MGAT3: variants seen among roughly 807,000 people sequenced by gnomAD.
The protein encoded by MGAT3 is GlcNAc-T III.
A neutral mutation model predicts 29.8 loss-of-function variants in MGAT3; 9 were observed. The ratio of observed to expected loss-of-function variants is 0.30; its 90% CI spans 0.18 to 0.53. The LOEUF (loss-of-function observed/expected upper bound fraction) is 0.53, where lower values mean the gene tolerates loss of function less well. Ranked by LOEUF, MGAT3 falls within the 20% of genes least tolerant of loss-of-function variation. MGAT3 has a pLI of 0.96. For synonymous variants in MGAT3, 397 were observed against 348.9 expected, an observed-to-expected ratio of 1.14 and a Z score of -1.54; for missense variants, 557 against 769.5, an observed-to-expected ratio of 0.72 and a Z score of 3.27.
chr22:39,486,359 G>A (rs1929273317), intron 1 of MGAT3: 1 of 258,462 alleles, frequency 3.9e-6, no homozygotes, highest in African/African-American at 2.4e-5. Context: ...TGGCCAGGCT[G>A]GTCTCGAACT....
rs749605116 is a variant in MGAT3 at position 39,488,900 on chromosome 22, C to A, written c.1553C>A (p.Pro518His). 6.2e-7 allele frequency: 1 copy of A among 1,601,982 alleles called. No individual in the cohort carries two copies. Among genetic ancestry groups the A allele is most frequent in the Non-Finnish European group, 8.5e-7 (1 of 1,174,874 alleles). The change falls in exon 2 of 2, where the codon CCC (proline) becomes CAC (histidine). Residue 518 changes from proline (P) to histidine (H), a missense_variant. Coordinates refer to ENST00000341184, the MANE Select transcript of MGAT3 (RefSeq NM_002409.5). ...GCGGGCGGGTGGCGCCACAGGGGTC[C>A]CGAGGGAAGGCCGCCCGCCCGGGGC... is the stretch of plus-strand genomic sequence containing the variant. The part of the protein sequence containing the change: ...TAAGGWRHRG[P>H]EGRPPARGKL...
intron 1 of MGAT3, among the ~76,000 whole-genome samples, chr22:39,470,279 T>C (rs897626285): frequency 3.9e-5 from 6 of 152,178 alleles, no homozygotes; most frequent in African/African-American, 1.4e-4. Context: ...CAGGGGCCCC[T>C]GTCTGACGAG....
At chr22:39,480,239 G>T (rs1306960477) in intron 1 of MGAT3, among the ~76,000 whole-genome samples, 1 of 152,232 alleles carries the variant, frequency 6.6e-6, no homozygotes, top group Non-Finnish European at 1.5e-5. Context: ...AAGAGCCAGA[G>T]TATGGCATTT....
chr22:39,466,688 G>T (rs762582353), intron 1 of MGAT3, among the ~76,000 whole-genome samples: 1 of 152,242 alleles, frequency 6.6e-6, no homozygotes, highest in Non-Finnish European at 1.5e-5. Flanking sequence ...CAGGGCAGGA[G>T]CCAGGGCTGC....
In MGAT3 at chr22:39,473,578, T is replaced by G. The variant is rs116450341; in HGVS notation, c.-1-13769T>G. Among the ~76,000 whole-genome samples the G allele has an allele frequency of 5.4e-3, 825 of 152,216 alleles. 12 individuals carry two copies. The highest frequency in any genetic ancestry group is 0.019 in the African/African-American group (798 of 41,524). ...CTACATGTGAACGTTGGGGGACACA[T>G]TTTTCAGACTATAGCACCCCCTACA... On this transcript the variant is annotated intron_variant, in intron 1 of 1. Transcript: ENST00000341184.
At chr22:39,483,005 C>T (rs1414777731) in intron 1 of MGAT3, among the ~76,000 whole-genome samples, 1 of 152,242 alleles carries the variant, frequency 6.6e-6, no homozygotes, top group East Asian at 1.9e-4. Flanking sequence ...AGCAGGTCCA[C>T]GGAGGCCCTT....
chr22:39,488,414 C>G lies in MGAT3; in HGVS notation c.1067C>G (p.Pro356Arg). 6.2e-7 allele frequency: 1 copy of G among 1,612,828 alleles called. No individual in the cohort carries two copies. Among genetic ancestry groups the G allele is most frequent in the Non-Finnish European group, 8.5e-7 (1 of 1,180,020 alleles). ...KSLYGFFWKQ[P>R]GTLEVVSGCT... ...CTCTACGGCTTCTTCTGGAAGCAGCCGGGCACCCTGGAGGTGGTGTCAGGC... is the reference window on the plus strand; with the variant it reads ...CTCTACGGCTTCTTCTGGAAGCAGCGGGGCACCCTGGAGGTGGTGTCAGGC... Residue 356 changes from proline (P) to arginine (R), a missense_variant, in exon 2 of 2, where the codon CCG becomes CGG. Coordinates refer to ENST00000341184, the MANE Select transcript of MGAT3 (RefSeq NM_002409.5).
chr22:39,481,448 A>C (rs1929124488), intron 1 of MGAT3, among the ~76,000 whole-genome samples: 1 of 152,230 alleles, frequency 6.6e-6, no homozygotes, highest in Non-Finnish European at 1.5e-5. Flanking sequence ...GGTGCTGAGC[A>C]GGTTCCCTGA....
intron 1 of MGAT3, among the ~76,000 whole-genome samples, chr22:39,472,207 C>T (rs1460996353): frequency 1.3e-5 from 2 of 152,094 alleles, no homozygotes; most frequent in Non-Finnish European, 2.9e-5. Context: ...CCAGCCTCTG[C>T]CCCCACTCCC....
At chr22:39,485,892 A>C (rs945757212) in intron 1 of MGAT3, among the ~76,000 whole-genome samples, 4 of 152,268 alleles carry the variant, frequency 2.6e-5, no homozygotes, top group African/African-American at 9.6e-5. Flanking sequence ...GATAAATTAA[A>C]CTGTATAAAT....
Position 39,492,057 on chromosome 22 carries a change from TA to T in MGAT3, c.*3109del, listed in dbSNP as rs895177146. The T allele has an allele frequency of 3.0e-5, 5 of 167,356 alleles. No homozygotes were observed. Among genetic ancestry groups the T allele is most frequent in the Non-Finnish European group, 2.9e-5 (2 of 68,116 alleles). The allele number at this position is 167,356 out of a possible 1,614,324, so 10.4% of individuals were successfully genotyped here. ...AATGTAAGGACATCAATAATAGTATTATTTTTTTTGTAAGGGAAAATCAATA... is the reference window on the plus strand; with the variant it reads ...AATGTAAGGACATCAATAATAGTATTTTTTTTTTGTAAGGGAAAATCAATA... On this transcript the variant is annotated 3_prime_UTR_variant, in exon 2 of 2. Transcript: ENST00000341184.
chr22:39,468,836 G>A (rs1928728302), intron 1 of MGAT3, among the ~76,000 whole-genome samples: 1 of 151,992 alleles, frequency 6.6e-6, no homozygotes. Flanking sequence ...GGGTCAGGGA[G>A]GCCTGGAGAA....
intron 1 of MGAT3, among the ~76,000 whole-genome samples, chr22:39,470,715 G>A (rs564406241): frequency 2.6e-5 from 4 of 152,070 alleles, no homozygotes; most frequent in Non-Finnish European, 5.9e-5. Context: ...TGGTGAGGCC[G>A]CACCCAGCTC....
chr22:39,465,090 G>A (rs1239832433), intron 1 of MGAT3, among the ~76,000 whole-genome samples: 1 of 152,116 alleles, frequency 6.6e-6, no homozygotes, highest in African/African-American at 2.4e-5. Flanking sequence ...TCCAGGACCA[G>A]AGCTCAGTCC....
chr22:39,475,644 T>A (rs1346003724), intron 1 of MGAT3, among the ~76,000 whole-genome samples: 1 of 152,102 alleles, frequency 6.6e-6, no homozygotes, highest in South Asian at 2.1e-4. Flanking sequence ...CCTGGGATGC[T>A]CCCTTGCTCC....
chr22:39,460,095 C>G (rs1223796360), intron 1 of MGAT3, among the ~76,000 whole-genome samples: 1 of 152,222 alleles, frequency 6.6e-6, no homozygotes, highest in African/African-American at 2.4e-5. Flanking sequence ...TGGGCACCCA[C>G]CCGCCCAGCC....
Position 39,488,727 on chromosome 22 carries a change from C to T in MGAT3, c.1380C>T (p.Arg460=), listed in dbSNP as rs1929362761. 11 of 1,613,678 alleles carry T rather than the reference C, an allele frequency of 6.8e-6. No individual in the cohort carries two copies. Among genetic ancestry groups the T allele is most frequent in the Admixed American group, 1.7e-5 (1 of 60,002 alleles). ...TGAACTACATCCGCGGCCTGATCCG[C>T]ACCGGGGGCTGGTTCGACGGCACGC... ...RDLNYIRGLI[R]TGGWFDGTQQ... is the part of the protein sequence containing the mutation. Residue 460 remains arginine (R), a synonymous_variant, in exon 2 of 2, where the codon CGC becomes CGT. Coordinates refer to ENST00000341184, the MANE Select transcript of MGAT3 (RefSeq NM_002409.5).
chr22:39,485,274 T>C (rs1929239376), intron 1 of MGAT3, among the ~76,000 whole-genome samples: 1 of 152,160 alleles, frequency 6.6e-6, no homozygotes, highest in Admixed American at 6.5e-5. Context: ...ATGAGCTGGA[T>C]GGCTACGGTC....
Position 39,488,091 on chromosome 22 carries a change from G to A in MGAT3, c.744G>A (p.Pro248=), listed in dbSNP as rs1047512808. ...CESNFTAYGE[P]RPLKFREMLT... ...CCAACTTCACGGCTTATGGGGAGCCGCGGCCGCTCAAGTTCCGGGAGATGC... is the reference window on the plus strand; with the variant it reads ...CCAACTTCACGGCTTATGGGGAGCCACGGCCGCTCAAGTTCCGGGAGATGC... The change falls in exon 2 of 2, where the codon CCG becomes CCA. Residue 248 remains proline, a synonymous_variant. Coordinates refer to ENST00000341184, the MANE Select transcript of MGAT3 (RefSeq NM_002409.5). 2.5e-6 allele frequency: 4 copies of A among 1,612,224 alleles called. No homozygotes were observed. The highest frequency in any genetic ancestry group is 2.7e-5 in the African/African-American group (2 of 75,024).
Sources: allele counts gnomAD v4.1 joint callset (sites outside exome capture counted in the v4.1 genomes callset), GRCh38; gene constraint gnomAD v4.1.1; transcripts MANE v1.5; gene names NCBI Gene and HGNC (gene_info 2026-07-23, HGNC 2026-07-21).